Variants in KIAA1958 observed in about 807,000 individuals in gnomAD.
The protein encoded by KIAA1958 is KIAA1958, also known as uncharacterized protein KIAA1958.
KIAA1958 carries 14 observed loss-of-function variants against 47.2 expected under a neutral mutation model. The ratio of observed to expected loss-of-function variants is 0.30; its 90% CI spans 0.20 to 0.46. KIAA1958 has a LOEUF of 0.46. Among genes scored for constraint, KIAA1958 ranks in the 20% least tolerant of loss-of-function variants. The pLI is 1.00. For synonymous variants in KIAA1958, 354 were observed against 353.3 expected (o/e 1.00, Z -0.02); for missense variants, 803 against 909.2 (o/e 0.88, Z 1.50).
At position 112,660,605 on chromosome 9, in the gene KIAA1958, GGCAGCC is replaced by G; in HGVS notation, c.*537_*542del. On this transcript the variant is annotated 3_prime_UTR_variant, in exon 4 of 4. Transcript: ENST00000337530. The stretch of plus-strand genomic sequence containing the variant: ...GTGGATAAGGTGGTTCTGGAGGGCA[GGCAGCC>G]TTGTGTCGGGGAGTATCCTCAAGCG... 6.4e-6 allele frequency: 1 copy of G among 157,200 alleles called. No individual in the cohort carries two copies. Among genetic ancestry groups the G allele is most frequent in the Non-Finnish European group, 1.4e-5 (1 of 70,948 alleles). The allele number at this position is 157,200 out of a possible 1,614,324, so 9.7% of individuals were successfully genotyped here.
chr9:112,544,629 ATCTAC>A (rs1264281881), intron 1 of KIAA1958, among the ~76,000 whole-genome samples: 13 of 152,220 alleles, frequency 8.5e-5, no homozygotes. Flanking sequence ...GAGCTCTGTA[ATCTAC>A]TCTGCCATCC....
chr9:112,501,617 G>T (rs1282982305), intron 1 of KIAA1958, among the ~76,000 whole-genome samples: 1 of 152,144 alleles, frequency 6.6e-6, no homozygotes, highest in African/African-American at 2.4e-5. Flanking sequence ...CCAACACCTT[G>T]CAGAGCTGGT....
At chr9:112,623,326 T>A (rs1447845017) in intron 2 of KIAA1958, among the ~76,000 whole-genome samples, 1 of 152,224 alleles carries the variant, frequency 6.6e-6, no homozygotes, top group East Asian at 1.9e-4. Flanking sequence ...ATTATTTCCC[T>A]TTTATAATTG....
chr9:112,617,783 A>G, intron 2 of KIAA1958: 1 of 1,046,686 alleles, frequency 9.6e-7, no homozygotes, highest in Non-Finnish European at 1.4e-6. Context: ...CCTTGTCATT[A>G]TAAAAGGAAA....
chr9:112,532,428 T>A (rs1369862111), intron 1 of KIAA1958, among the ~76,000 whole-genome samples: 1 of 152,242 alleles, frequency 6.6e-6, no homozygotes, highest in Non-Finnish European at 1.5e-5. Flanking sequence ...TTTTTTCTAT[T>A]ATGGCCCTTA....
At chr9:112,557,958 G>A (rs1279452226) in intron 1 of KIAA1958, among the ~76,000 whole-genome samples, 3 of 152,188 alleles carry the variant, frequency 2.0e-5, no homozygotes, top group Admixed American at 6.5e-5. Context: ...TGGGCGCAGT[G>A]GCTCATGCCT....
intron 1 of KIAA1958, among the ~76,000 whole-genome samples, chr9:112,560,696 G>A (rs1158621223): frequency 6.6e-6 from 1 of 152,180 alleles, no homozygotes; most frequent in Admixed American, 6.5e-5. Context: ...CATTTGTTAG[G>A]AGATGGGTAG....
intron 1 of KIAA1958, among the ~76,000 whole-genome samples, chr9:112,533,345 G>A (rs1260834190): frequency 1.3e-5 from 2 of 151,736 alleles, no homozygotes; most frequent in Non-Finnish European, 2.9e-5. Context: ...GGAAGGCCGA[G>A]GCAGGTGGAT....
At chr9:112,530,744 C>T (rs1304486571) in intron 1 of KIAA1958, among the ~76,000 whole-genome samples, 1 of 152,048 alleles carries the variant, frequency 6.6e-6, no homozygotes. Flanking sequence ...AGTAGCTGAA[C>T]GGATATCATT....
At chr9:112,509,055 T>C (rs10981427) in intron 1 of KIAA1958, among the ~76,000 whole-genome samples, 1 of 151,408 alleles carries the variant, frequency 6.6e-6, no homozygotes, top group Non-Finnish European at 1.5e-5. Flanking sequence ...TGGTAAAAAA[T>C]TTTAAAAAGA....
At chr9:112,613,026 T>C (rs886070488) in intron 2 of KIAA1958, among the ~76,000 whole-genome samples, 1 of 152,216 alleles carries the variant, frequency 6.6e-6, no homozygotes, top group Non-Finnish European at 1.5e-5. Flanking sequence ...ATGTATAGTA[T>C]GTTCCTCCCC....
chr9:112,502,969 T>G (rs1373518910), intron 1 of KIAA1958, among the ~76,000 whole-genome samples: 1 of 152,212 alleles, frequency 6.6e-6, no homozygotes, highest in Non-Finnish European at 1.5e-5. Flanking sequence ...CCAACAAATA[T>G]CTAATGGGTA....
intron 1 of KIAA1958, among the ~76,000 whole-genome samples, chr9:112,545,730 GT>G (rs2132829637): frequency 6.9e-6 from 1 of 144,400 alleles, no homozygotes; most frequent in African/African-American, 2.6e-5. Flanking sequence ...TAGCACTTTT[GT>G]TGTTTTTTAT....
At chr9:112,654,524 C>T (rs569769471) in intron 3 of KIAA1958, among the ~76,000 whole-genome samples, 4 of 152,198 alleles carry the variant, frequency 2.6e-5, no homozygotes, top group African/African-American at 9.6e-5. Context: ...CACAAAGAAG[C>T]AGAGGCGAAA....
intron 1 of KIAA1958, among the ~76,000 whole-genome samples, chr9:112,562,506 G>A (rs1835351245): frequency 3.9e-5 from 6 of 152,280 alleles, no homozygotes; most frequent in Admixed American, 3.9e-4. Context: ...TAAGTTTTAT[G>A]CATATCAGTT....
chr9:112,660,160 A>G lies in KIAA1958; in HGVS notation c.*91A>G. On this transcript the variant is annotated 3_prime_UTR_variant, in exon 4 of 4. Transcript: ENST00000337530. ...AGCTCCTTGGAGGCAGGGGCTGACC[A>G]GGTGTGACCTCCCGGTCTGGCGGCT... 9.0e-7 allele frequency: 1 copy of G among 1,110,030 alleles called. No homozygotes were observed. Among genetic ancestry groups the G allele is most frequent in the Non-Finnish European group, 1.3e-6 (1 of 764,454 alleles). 68.8% of individuals were successfully genotyped at this position (1,110,030 alleles called of 1,614,324 possible). A position where few individuals can be genotyped will look rare whatever the true frequency, so the allele number is the denominator to read the frequency against.
At chr9:112,616,856 C>T (rs752453472) in intron 2 of KIAA1958, among the ~76,000 whole-genome samples, 19 of 152,156 alleles carry the variant, frequency 1.2e-4, no homozygotes, top group Non-Finnish European at 2.2e-4. Flanking sequence ...AGTAAGATTT[C>T]CTGCCTAGGA....
chr9:112,561,237 G>A (rs1157571643), intron 1 of KIAA1958, among the ~76,000 whole-genome samples: 3 of 151,832 alleles, frequency 2.0e-5, no homozygotes. Flanking sequence ...TGTATTTTTA[G>A]TAGAGACGGG....
At chr9:112,586,048 A>G (rs145232050) in intron 2 of KIAA1958, among the ~76,000 whole-genome samples, 1,536 of 152,346 alleles carry the variant, frequency 0.01, 15 homozygotes, top group South Asian at 0.037. Context: ...AAAGAAAGAC[A>G]TCTCAAACAC....
Sources: allele counts gnomAD v4.1 joint callset (sites outside exome capture counted in the v4.1 genomes callset), GRCh38; gene constraint gnomAD v4.1.1; transcripts MANE v1.5; gene names NCBI Gene and HGNC (gene_info 2026-07-23, HGNC 2026-07-21).